The following TANC1 variants were observed in gnomAD, a reference collection of about 807,000 sequenced individuals.
TANC1 encodes the protein tetratricopeptide repeat, ankyrin repeat and coiled-coil containing 1.
TANC1 carries 77 observed loss-of-function variants against 149.7 expected under a neutral mutation model. The ratio of observed to expected loss-of-function variants is 0.51; its 90% CI spans 0.43 to 0.62. TANC1 has a LOEUF of 0.62. Among genes scored for constraint, TANC1 ranks in the 20% least tolerant of loss-of-function variants. The probability of loss-of-function intolerance (pLI) is 0.00; values close to 1 mark genes in which losing one functional copy is unlikely to be tolerated. For synonymous variants in TANC1, 854 were observed against 925.0 expected (o/e 0.92, Z 1.39); for missense variants, 1,985 against 2,321.8 (o/e 0.85, Z 2.98).
intron 4 of TANC1, among the ~76,000 whole-genome samples, chr2:159,098,276 G>A (rs2046336900): frequency 6.6e-6 from 1 of 152,122 alleles, no homozygotes; most frequent in Admixed American, 6.5e-5. Context: ...ATTAATAGTT[G>A]CCTACTGCAT....
At position 159,019,864 on chromosome 2, in the gene TANC1, G is replaced by A. The variant is rs867413941; in HGVS notation, c.-16+18675G>A. 1.4e-4 allele frequency among the ~76,000 whole-genome samples: 21 copies of A among 151,352 alleles called. 1 individual carries two copies. Among genetic ancestry groups the A allele is most frequent in the South Asian group, 1.1e-3 (5 of 4,754 alleles). ...CCCAAACTCCTGGCTTCAGCCTCCCGAAGTGTTGGGATTTCAGGGGTGCAG... is the reference window on the plus strand; with the variant it reads ...CCCAAACTCCTGGCTTCAGCCTCCCAAAGTGTTGGGATTTCAGGGGTGCAG... On this transcript the variant is annotated intron_variant, in intron 2 of 26. Transcript: ENST00000263635.
intron 1 of TANC1, among the ~76,000 whole-genome samples, chr2:158,971,381 T>C (rs2032856091): frequency 6.6e-6 from 1 of 152,192 alleles, no homozygotes; most frequent in Non-Finnish European, 1.5e-5. Context: ...GAGAGTCTCA[T>C]AGAAAAAGAA....
At chr2:159,109,937 G>GA (rs1274465982) in intron 4 of TANC1, among the ~76,000 whole-genome samples, 2 of 152,134 alleles carry the variant, frequency 1.3e-5, no homozygotes, top group African/African-American at 2.4e-5. Flanking sequence ...ACTTAATAAA[G>GA]AAAAAACATT....
chr2:159,105,421 C>T (rs559936656), intron 4 of TANC1, among the ~76,000 whole-genome samples: 3 of 152,258 alleles, frequency 2.0e-5, no homozygotes, highest in Admixed American at 1.3e-4. Flanking sequence ...GTGTACAGTT[C>T]AGTGGTAATT....
intron 1 of TANC1, among the ~76,000 whole-genome samples, chr2:158,987,680 CAGACTGGGATA>C (rs2035169351): frequency 6.6e-6 from 1 of 152,200 alleles, no homozygotes; most frequent in African/African-American, 2.4e-5. Context: ...TGAAGCCAGA[CAGACTGGGATA>C]AGGTCCCAGT....
At chr2:159,043,701 CTT>C (rs969279210) in intron 2 of TANC1, among the ~76,000 whole-genome samples, 2 of 152,048 alleles carry the variant, frequency 1.3e-5, no homozygotes, top group African/African-American at 4.8e-5. Context: ...GGCTTAGTAT[CTT>C]TGTTTACAGT....
intron 7 of TANC1, among the ~76,000 whole-genome samples, chr2:159,157,244 C>T (rs893535972): frequency 1.3e-5 from 2 of 152,110 alleles, no homozygotes; most frequent in Non-Finnish European, 2.9e-5. Context: ...GGCTTAAGTG[C>T]CTTCACTAGA....
At chr2:159,079,371 T>A (rs34233385) in intron 3 of TANC1, among the ~76,000 whole-genome samples, 1 of 119,350 alleles carries the variant, frequency 8.4e-6, no homozygotes, top group South Asian at 2.9e-4. Context: ...TTTTTTTGAG[T>A]GTTTGCTGTG....
intron 3 of TANC1, among the ~76,000 whole-genome samples, chr2:159,078,499 G>A (rs1043961286): frequency 6.6e-6 from 1 of 152,162 alleles, no homozygotes; most frequent in African/African-American, 2.4e-5. Context: ...TAAATTCACT[G>A]TTGAAAACTA....
intron 19 of TANC1, among the ~76,000 whole-genome samples, chr2:159,200,055 A>G (rs1276083531): frequency 2.6e-5 from 4 of 152,206 alleles, no homozygotes; most frequent in Non-Finnish European, 4.4e-5. Context: ...CTACGGGTAA[A>G]AGTATGTGGA....
intron 19 of TANC1, among the ~76,000 whole-genome samples, chr2:159,201,473 G>GCCCC (rs2058244673): frequency 1.3e-5 from 2 of 152,188 alleles, no homozygotes; most frequent in Non-Finnish European, 2.9e-5. Flanking sequence ...TCAAGCCATG[G>GCCCC]GCCCCGGGAT....
chr2:159,121,695 G>A (rs567266087), intron 4 of TANC1, among the ~76,000 whole-genome samples: 211 of 152,290 alleles, frequency 1.4e-3, no homozygotes, highest in African/African-American at 4.9e-3. Context: ...TAGGAATTTG[G>A]GTTATAGAGA....
At chr2:159,177,416 A>G (rs1216643773) in intron 13 of TANC1, among the ~76,000 whole-genome samples, 5 of 151,780 alleles carry the variant, frequency 3.3e-5, no homozygotes. Context: ...TTAGGTTTTG[A>G]TTTTTGCCCT....
At chr2:159,193,766 C>A (rs1178437690) in intron 16 of TANC1, among the ~76,000 whole-genome samples, 1 of 152,190 alleles carries the variant, frequency 6.6e-6, no homozygotes, top group Non-Finnish European at 1.5e-5. Flanking sequence ...CGTGATCCAC[C>A]CGCCATGGCC....
intron 4 of TANC1, among the ~76,000 whole-genome samples, chr2:159,118,466 T>C (rs1461338904): frequency 6.6e-6 from 1 of 152,190 alleles, no homozygotes; most frequent in Non-Finnish European, 1.5e-5. Context: ...AGTGTTGTAC[T>C]TGGGTGTGAT....
intron 1 of TANC1, among the ~76,000 whole-genome samples, chr2:158,976,837 T>C (rs1573915479): frequency 1.3e-5 from 2 of 152,198 alleles, no homozygotes; most frequent in South Asian, 4.2e-4. Context: ...GCCAAGATTG[T>C]GCCACTGAAC....
intron 2 of TANC1, among the ~76,000 whole-genome samples, chr2:159,003,514 G>C (rs1259868976): frequency 2.0e-5 from 3 of 152,202 alleles, no homozygotes; most frequent in Non-Finnish European, 2.9e-5. Context: ...GGATTCTAAA[G>C]CACAGAGAGG....
intron 1 of TANC1, among the ~76,000 whole-genome samples, chr2:158,994,524 G>C (rs560709344): frequency 1.8e-4 from 28 of 152,202 alleles, no homozygotes; most frequent in African/African-American, 6.3e-4. Context: ...TCCTCCCTTG[G>C]CTTCCCCAAG....
In TANC1 at chr2:158,974,325, T is replaced by C. The variant is rs541017405; in HGVS notation, c.-126+5543T>C. Among the ~76,000 whole-genome samples the C allele has an allele frequency of 1.6e-4, 24 of 152,336 alleles. 1 individual carries two copies. In the South Asian group the frequency reaches 4.8e-3, roughly 30 times the overall value. On this transcript the variant is annotated intron_variant, in intron 1 of 26. Coordinates refer to ENST00000263635, the MANE Select transcript of TANC1 (RefSeq NM_033394.3). ...AACCATCCTTGATACCTATGGAAGATTGGTTCCAGGATTCCCACGGATACT... is the reference window on the plus strand; with the variant it reads ...AACCATCCTTGATACCTATGGAAGACTGGTTCCAGGATTCCCACGGATACT...
Sources: gnomAD v4.1 joint callset for allele counts (sites outside exome capture counted in the v4.1 genomes callset) on GRCh38, gnomAD v4.1.1 for gene constraint, MANE v1.5 for transcripts, NCBI Gene and HGNC (gene_info 2026-07-23, HGNC 2026-07-21) for gene names.